The following OAS3 variants were observed in gnomAD, a reference collection of about 807,000 sequenced individuals.
OAS3 encodes 2'-5'-oligoadenylate synthase 3.
In OAS3, 107 loss-of-function variants were observed where a neutral mutation model predicts 113.0. The observed-to-expected ratio is 0.95, with a 90% CI of 0.81 to 1.11. The LOEUF (loss-of-function observed/expected upper bound fraction) is 1.11, where lower values mean the gene tolerates loss of function less well. Ranked by LOEUF, OAS3 falls within the 50% of genes most tolerant of loss-of-function variation. The pLI, the probability that OAS3 is intolerant of heterozygous loss-of-function variation, is 0.00. For missense variants in OAS3, 1,258 were observed against 1,389.1 expected (o/e 0.91, Z 1.50); for synonymous variants, 552 against 573.6 (o/e 0.96, Z 0.54).
intron 14 of OAS3, among the ~76,000 whole-genome samples, chr12:112,968,793 G>A (rs559463123): frequency 6.6e-6 from 1 of 152,328 alleles, no homozygotes; most frequent in South Asian, 2.1e-4. Context: ...GGGATTACAG[G>A]CATGAGCCAC....
rs1489925210 is a variant in OAS3, at chr12:112,970,078, G to GTGTGTGTGAGCACATGTGTGCA, written c.*114_*135dup. ...ACCAGATGAGAGAGATTGTGTACAT[G>GTGTGTGTGAGCACATGTGTGCA]TGTGTGTGAGCACATGTGTGCATGT... On this transcript the variant is annotated 3_prime_UTR_variant, in exon 16 of 16. Transcript: ENST00000228928. 7 of 1,310,364 alleles carry GTGTGTGTGAGCACATGTGTGCA rather than the reference G, an allele frequency of 5.3e-6. No individual in the cohort carries two copies. The highest frequency in any genetic ancestry group is 7.6e-6 in the Non-Finnish European group (7 of 924,508). The allele number at this position is 1,310,364 out of a possible 1,614,324, so 81.2% of individuals were successfully genotyped here. A position where few individuals can be genotyped will look rare whatever the true frequency, so the allele number is the denominator to read the frequency against.
At chr12:112,958,550 T>A (rs912025604) in intron 7 of OAS3, among the ~76,000 whole-genome samples, 1 of 152,262 alleles carries the variant, frequency 6.6e-6, no homozygotes, top group Non-Finnish European at 1.5e-5. Flanking sequence ...TGTTTGTTAG[T>A]TTTCCTTCTA....
rs1295870253 is a variant in OAS3 at position 112,967,573 on chromosome 12, G to C, written c.2845G>C (p.Val949Leu). The change falls in exon 13 of 16, where the codon GTG becomes CTG. Residue 949 changes from valine (V) to leucine (L), a missense_variant. Transcript: ENST00000228928. ...CAAGCTGAAGAGCCTGATCCGGCTGGTGAAGCACTGGTACCAGCAGGTTCG... is the reference window on the plus strand; with the variant it reads ...CAAGCTGAAGAGCCTGATCCGGCTGCTGAAGCACTGGTACCAGCAGGTTCG... ...PTKLKSLIRL[V>L]KHWYQQCTKI... 3 of 1,613,674 alleles carry C rather than the reference G, an allele frequency of 1.9e-6. No individual in the cohort carries two copies. In the Admixed American group the frequency reaches 5.0e-5, roughly 27 times the overall value.
chr12:112,949,047 T>A lies in OAS3; in HGVS notation c.1216T>A (p.Leu406Met). ...SIVPSVPGMA[L>M]DLSQIPTKEL... is the part of the protein sequence containing the mutation. ...CGTCCCCTCTGTGCCGGGAATGGCC[T>A]TGGACCTGTCTCAGATCCCCACCAA... is the stretch of plus-strand genomic sequence containing the variant. Residue 406 changes from leucine (L) to methionine (M), a missense_variant, in exon 6 of 16, where the codon TTG becomes ATG. Physicochemically the swap from Leu to Met is conservative, Grantham distance 15. Coordinates refer to ENST00000228928, the MANE Select transcript of OAS3 (RefSeq NM_006187.4). The A allele has an allele frequency of 2.5e-6, 4 of 1,614,050 alleles. No individual in the cohort carries two copies. The highest frequency in any genetic ancestry group is 3.4e-6 in the Non-Finnish European group (4 of 1,179,896).
rs772879325 is a variant in OAS3 at position 112,950,882 on chromosome 12, C to T, written c.1564C>T (p.Gln522Ter). The change falls in exon 7 of 16, where the codon CAG becomes TAG. Residue 522 changes from glutamine (Q) to a stop codon, truncating the protein, a stop_gained. Transcript: ENST00000228928. LOFTEE classifies it high-confidence loss of function. ...VPSLSLQFPE[Q>*]NVPEALQFQL... is the part of the protein sequence containing the mutation. ...CAGCCTGAGCCTTCAGTTTCCTGAG[C>T]AGAATGTGCCTGAGGCTCTGCAGTT... is the stretch of plus-strand genomic sequence containing the variant. 6.2e-7 allele frequency: 1 copy of T among 1,614,024 alleles called. No homozygotes were observed. Among genetic ancestry groups the T allele is most frequent in the Non-Finnish European group, 8.5e-7 (1 of 1,179,898 alleles).
chr12:112,966,136 C>A (rs1268524012), intron 12 of OAS3, 107 bp downstream of exon 12: 4 of 1,087,210 alleles, frequency 3.7e-6, no homozygotes, highest in Non-Finnish European at 5.3e-6. Flanking sequence ...CTGTTCGCAT[C>A]ATTGCAGGCA....
At chr12:112,960,266 C>T (rs567684212) in intron 7 of OAS3, among the ~76,000 whole-genome samples, 17 of 152,246 alleles carry the variant, frequency 1.1e-4, no homozygotes, top group Admixed American at 2.6e-4. Flanking sequence ...CATGCAGATA[C>T]TGTAAATTTG....
intron 7 of OAS3, among the ~76,000 whole-genome samples, chr12:112,959,968 T>G (rs961699554): frequency 6.6e-6 from 1 of 152,182 alleles, no homozygotes; most frequent in South Asian, 2.1e-4. Flanking sequence ...ATTGTCCTAT[T>G]AACTCAAATT....
rs915686485 is a variant in OAS3, at chr12:112,963,202, C to T, written c.2085-111C>T. On this transcript the variant is annotated intron_variant, in intron 9 of 15. Transcript: ENST00000228928. This position sits in a 1 kb window ranked among gnomAD's most constrained non-coding sequence, Gnocchi z 4.6. ...TGCACTTGGGCAAGACTGAGCCAAC[C>T]CTGAGGTCCTGACACTCTTTCCAGC... The T allele has an allele frequency of 3.8e-6, 5 of 1,317,400 alleles. No individual in the cohort carries two copies. In the African/African-American group the frequency reaches 7.4e-5, roughly 20 times the overall value. 81.6% of individuals were successfully genotyped at this position (1,317,400 alleles called of 1,614,324 possible). A position where few individuals can be genotyped will look rare whatever the true frequency, so the allele number is the denominator to read the frequency against.
At chr12:112,952,973 TAGA>T (rs2043804384) in intron 7 of OAS3, among the ~76,000 whole-genome samples, 1 of 152,186 alleles carries the variant, frequency 6.6e-6, no homozygotes, top group Non-Finnish European at 1.5e-5. Context: ...TATCTGTGTA[TAGA>T]ATTCTTTTTT....
chr12:112,970,079 T>C lies in OAS3; in HGVS notation c.*106T>C. ...CCAGATGAGAGAGATTGTGTACATG[T>C]GTGTGTGAGCACATGTGTGCATGTG... On this transcript the variant is annotated 3_prime_UTR_variant, in exon 16 of 16. Coordinates refer to ENST00000228928, the MANE Select transcript of OAS3 (RefSeq NM_006187.4). 7.6e-7 allele frequency: 1 copy of C among 1,316,998 alleles called. No individual in the cohort carries two copies. The highest frequency in any genetic ancestry group is 1.1e-6 in the Non-Finnish European group (1 of 930,344). The allele number at this position is 1,316,998 out of a possible 1,614,324, so 81.6% of individuals were successfully genotyped here. A position where few individuals can be genotyped will look rare whatever the true frequency, so the allele number is the denominator to read the frequency against.
In OAS3 at chr12:112,967,543, C is replaced by T. The variant is rs1337318627; in HGVS notation, c.2815C>T (p.Pro939Ser). 1 of 1,613,912 alleles carries T rather than the reference C, an allele frequency of 6.2e-7. No homozygotes were observed. The highest frequency in any genetic ancestry group is 1.3e-5 in the African/African-American group (1 of 75,068). The change falls in exon 13 of 16, where the codon CCT becomes TCT. Residue 939 changes from proline (P) to serine (S), a missense_variant. Transcript: ENST00000228928. ...ACAACGGGACTTCATCATCTCTCGC[C>T]CTACCAAGCTGAAGAGCCTGATCCG... Reference protein sequence around the residue: ...ELQRDFIISRPTKLKSLIRLV... With the variant: ...ELQRDFIISRSTKLKSLIRLV...
intron 1 of OAS3, 47 bp from the exon 2 acceptor site, chr12:112,941,521 CCA>C (rs2043679110): frequency 6.4e-7 from 1 of 1,572,290 alleles, no homozygotes; most frequent in South Asian, 1.2e-5. Context: ...GGTTGCAAGG[CCA>C]CTAGAATTGG....
At position 112,972,211 on chromosome 12, in the gene OAS3, T is replaced by C. The variant is rs962028543; in HGVS notation, c.*2238T>C. On this transcript the variant is annotated 3_prime_UTR_variant, in exon 16 of 16. Coordinates refer to ENST00000228928, the MANE Select transcript of OAS3 (RefSeq NM_006187.4). ...CTCCAGAATTAGAGTAATTATGAGATGGTGGGAACCAGAGCAACTCAGGTG... is the reference window on the plus strand; with the variant it reads ...CTCCAGAATTAGAGTAATTATGAGACGGTGGGAACCAGAGCAACTCAGGTG... The C allele has an allele frequency of 2.0e-5, 3 of 152,236 alleles. No homozygotes were observed. The highest frequency in any genetic ancestry group is 3.9e-4 in the East Asian group (2 of 5,188). The allele number at this position is 152,236 out of a possible 1,614,324, so 9.4% of individuals were successfully genotyped here.
chr12:112,944,394 C>T lies in OAS3; in HGVS notation c.461-82C>T, dbSNP rs2043707201. ...ATTCTTCCCACTCTCTCTCAGCGCCCCAGGCTGAGCTCGGCACCAACACCG... is the reference window on the plus strand; with the variant it reads ...ATTCTTCCCACTCTCTCTCAGCGCCTCAGGCTGAGCTCGGCACCAACACCG... On this transcript the variant is annotated intron_variant, in intron 2 of 15. Transcript: ENST00000228928. 4 of 1,492,602 alleles carry T rather than the reference C, an allele frequency of 2.7e-6. No homozygotes were observed. The Admixed American group carries it at 5.1e-5, about 19-fold the overall frequency. 92.5% of individuals were successfully genotyped at this position (1,492,602 alleles called of 1,614,324 possible).
At chr12:112,948,168 C>A in intron 5 of OAS3, 69 bp downstream of exon 5, 1 of 1,410,092 alleles carries the variant, frequency 7.1e-7, no homozygotes, top group Non-Finnish European at 9.4e-7. Flanking sequence ...TCCTGAGCAT[C>A]TACTATGTGC....
At chr12:112,941,932 C>A in intron 2 of OAS3, 80 bp downstream of exon 2, 1 of 1,578,902 alleles carries the variant, frequency 6.3e-7, no homozygotes, top group South Asian at 1.1e-5. Context: ...TCTAGCCCAG[C>A]CACCAACTTG....
rs538740696 is a variant in OAS3 at position 112,954,028 on chromosome 12, C to T, written c.1657+3053C>T. On this transcript the variant is annotated intron_variant, in intron 7 of 15. Transcript: ENST00000228928. The surrounding 1 kb of genome is among the most constrained non-coding windows in gnomAD (Gnocchi z 4.0). ...ATTTGTCAGTTTTGGCTTCTGTTGC[C>T]ATTGCTTTTGGTGTTTTAGTCATGA... Among the ~76,000 whole-genome samples the T allele has an allele frequency of 1.2e-3, 183 of 152,232 alleles. No homozygotes were observed. Among genetic ancestry groups the T allele is most frequent in the Middle Eastern group, 6.8e-3 (2 of 294 alleles).
At position 112,954,867 on chromosome 12, in the gene OAS3, G is replaced by T. The variant is rs932800407; in HGVS notation, c.1657+3892G>T. Among the ~76,000 whole-genome samples, 5 of 152,198 alleles carry T rather than the reference G, an allele frequency of 3.3e-5. No individual in the cohort carries two copies. Among genetic ancestry groups the T allele is most frequent in the Non-Finnish European group, 5.9e-5 (4 of 68,036 alleles). On this transcript the variant is annotated intron_variant, in intron 7 of 15. Coordinates refer to ENST00000228928, the MANE Select transcript of OAS3 (RefSeq NM_006187.4). The surrounding 1 kb of genome is among the most constrained non-coding windows in gnomAD (Gnocchi z 4.0). ...TTCCAATTCTGTGAAGAAAGTCATTGGTAGCTTGTTGGGGATGGCATTGAA... is the reference window on the plus strand; with the variant it reads ...TTCCAATTCTGTGAAGAAAGTCATTTGTAGCTTGTTGGGGATGGCATTGAA...
Sources: gnomAD v4.1 joint callset for allele counts (sites outside exome capture counted in the v4.1 genomes callset) on GRCh38, gnomAD v4.1.1 for gene constraint, Gnocchi (gnomAD v3.1) non-coding constraint, MANE v1.5 for transcripts, NCBI Gene and HGNC (gene_info 2026-07-23, HGNC 2026-07-21) for gene names.